PCDH11X: variants seen among roughly 807,000 people sequenced by gnomAD.
PCDH11X encodes the protein protocadherin 11 X-linked.
A neutral mutation model predicts 53.3 loss-of-function variants in PCDH11X; 18 were observed. The observed-to-expected ratio is 0.34, with a 90% confidence interval of 0.23 to 0.50. The LOEUF (loss-of-function observed/expected upper bound fraction) is 0.50, where lower values mean the gene tolerates loss of function less well. Among genes scored for constraint, PCDH11X ranks in the 20% least tolerant of loss-of-function variants. The probability of loss-of-function intolerance (pLI) is 0.98; values close to 1 mark genes in which losing one functional copy is unlikely to be tolerated. For synonymous variants in PCDH11X, 279 were observed against 393.3 expected (o/e 0.71, Z 3.44); for missense variants, 570 against 1,032.4 (o/e 0.55, Z 6.14).
At chrX:92,143,946 C>T (rs747032666) in intron 6 of PCDH11X, among the ~76,000 whole-genome samples, 4 of 111,744 alleles carry the variant, frequency 3.6e-5, no homozygotes, top group African/African-American at 6.5e-5. Flanking sequence ...CTTGCATCCG[C>T]GTGACCTGTA....
chrX:92,606,755 T>A (rs1926869543), intron 10 of PCDH11X, among the ~76,000 whole-genome samples: 1 of 111,620 alleles, frequency 9.0e-6, no homozygotes, highest in Non-Finnish European at 1.9e-5. Context: ...GAGAAAATAT[T>A]TGTAAATTGT....
chrX:91,886,723 G>A (rs767469168), intron 6 of PCDH11X, among the ~76,000 whole-genome samples: 1 of 109,767 alleles, frequency 9.1e-6, no homozygotes, highest in Non-Finnish European at 1.9e-5. Context: ...TGTATTCCCA[G>A]TACTTTGGGA....
intron 8 of PCDH11X, among the ~76,000 whole-genome samples, chrX:92,384,549 T>C (rs958663917): frequency 3.0e-5 from 3 of 100,040 alleles, no homozygotes. Context: ...CCCTGAGCAT[T>C]TGGGGAGAGA....
chrX:92,075,788 T>A (rs2063763757), intron 6 of PCDH11X, among the ~76,000 whole-genome samples: 1 of 111,745 alleles, frequency 8.9e-6, no homozygotes. Flanking sequence ...CTCACAAAAA[T>A]TCAGTGTGAA....
At chrX:92,269,614 T>G (rs1322854997) in intron 8 of PCDH11X, among the ~76,000 whole-genome samples, 1 of 111,668 alleles carries the variant, frequency 9.0e-6, no homozygotes, top group Non-Finnish European at 1.9e-5. Flanking sequence ...TCTCATTTAT[T>G]CCCTCTGAAA....
intron 6 of PCDH11X, among the ~76,000 whole-genome samples, chrX:92,182,863 A>T (rs1310491194): frequency 9.0e-6 from 1 of 110,745 alleles, no homozygotes; most frequent in Non-Finnish European, 1.9e-5. Context: ...GGACTAATAC[A>T]CCACCTCATA....
At chrX:92,554,336 AT>A (rs1364431498) in intron 10 of PCDH11X, among the ~76,000 whole-genome samples, 1 of 100,550 alleles carries the variant, frequency 9.9e-6, no homozygotes, top group Non-Finnish European at 2.0e-5. Flanking sequence ...GACTTGCATT[AT>A]TTACAGCTAA....
chrX:91,796,424 TATAG>T (rs1006525170), intron 1 of PCDH11X, among the ~76,000 whole-genome samples: 25 of 111,456 alleles, frequency 2.2e-4, no homozygotes, highest in South Asian at 2.2e-3. Flanking sequence ...GAAACTACTA[TATAG>T]ATAAATTTTG....
intron 6 of PCDH11X, among the ~76,000 whole-genome samples, chrX:92,009,205 T>G (rs1394741411): frequency 8.9e-6 from 1 of 112,181 alleles, no homozygotes; most frequent in Middle Eastern, 4.7e-3. Flanking sequence ...AGATGTATTC[T>G]AGCTCAATTT....
rs953058344 is a variant in PCDH11X at position 92,458,440 on chromosome X, C to A, written c.3344-9859C>A. 5.5e-5 allele frequency among the ~76,000 whole-genome samples: 6 copies of A among 108,366 alleles called. No homozygotes were observed. In the Admixed American group the frequency reaches 6.0e-4, roughly 11 times the overall value. 94.1% of individuals were successfully genotyped at this position (108,366 alleles called of 115,157 possible). On this transcript the variant is annotated intron_variant, in intron 9 of 10. Transcript: ENST00000682573. ...AACAAAATACTGTTAACTAGAGTCA[C>A]CCTATTGTGCCACCAAATACTAGAT...
chrX:92,316,469 ATTAT>A (rs1327639597), intron 8 of PCDH11X, among the ~76,000 whole-genome samples: 1 of 110,920 alleles, frequency 9.0e-6, no homozygotes, highest in Non-Finnish European at 1.9e-5. Flanking sequence ...AATATGATGT[ATTAT>A]TTATCTCTTC....
At chrX:92,129,212 G>A (rs1177692207) in intron 6 of PCDH11X, among the ~76,000 whole-genome samples, 4 of 110,067 alleles carry the variant, frequency 3.6e-5, no homozygotes, top group Non-Finnish European at 7.6e-5. Context: ...CCAACATGGA[G>A]AAGCCCCTGT....
At chrX:91,998,929 T>A (rs1351514613) in intron 6 of PCDH11X, among the ~76,000 whole-genome samples, 2 of 106,279 alleles carry the variant, frequency 1.9e-5, no homozygotes, top group African/African-American at 3.7e-5. Flanking sequence ...ATTTTATTTT[T>A]TTTGAGACAG....
intron 6 of PCDH11X, among the ~76,000 whole-genome samples, chrX:91,893,555 G>C (rs1013302338): frequency 1.0e-4 from 11 of 109,478 alleles, no homozygotes; most frequent in African/African-American, 3.6e-4. Context: ...CATTTTCTGT[G>C]GTGAATAATC....
At chrX:92,128,165 C>T in intron 6 of PCDH11X, among the ~76,000 whole-genome samples, 1 of 111,394 alleles carries the variant, frequency 9.0e-6, no homozygotes. Flanking sequence ...CTATTAAATG[C>T]TTTACAAACG....
At chrX:91,802,950 C>A (rs1168601189) in intron 1 of PCDH11X, among the ~76,000 whole-genome samples, 18 of 111,389 alleles carry the variant, frequency 1.6e-4, no homozygotes, top group Non-Finnish European at 3.2e-4. Context: ...GATTTGATCA[C>A]TTCTCAGCCT....
chrX:92,005,144 C>T (rs1460857993), intron 6 of PCDH11X, among the ~76,000 whole-genome samples: 4 of 110,896 alleles, frequency 3.6e-5, no homozygotes, highest in Non-Finnish European at 7.5e-5. Flanking sequence ...TTTATCCATG[C>T]AGCTGGTTTA....
intron 6 of PCDH11X, among the ~76,000 whole-genome samples, chrX:92,138,738 A>G (rs5984894): frequency 0.53 from 58,001 of 109,929 alleles, 12,273 homozygotes; most frequent in African/African-American, 0.72. Context: ...ATAATCATTC[A>G]TAGCATTATA....
chrX:92,510,239 T>C (rs2074139206), intron 10 of PCDH11X, among the ~76,000 whole-genome samples: 1 of 103,101 alleles, frequency 9.7e-6, no homozygotes, highest in South Asian at 4.9e-4. Flanking sequence ...ATCTTGTCTA[T>C]AGAGGTATCC....
Sources: allele counts gnomAD v4.1 joint callset (sites outside exome capture counted in the v4.1 genomes callset), GRCh38; gene constraint gnomAD v4.1.1; transcripts MANE v1.5; gene names NCBI Gene and HGNC (gene_info 2026-07-23, HGNC 2026-07-21).